WDR7: variants seen among roughly 807,000 people sequenced by gnomAD.
WDR7 encodes WD repeat domain 7.
Under a neutral mutation model 169.4 loss-of-function variants are expected in WDR7, and 46 were observed. The observed-to-expected ratio is 0.27, with a 90% CI of 0.21 to 0.35. WDR7 has a LOEUF of 0.35. Ranked by LOEUF, WDR7 falls within the 10% of genes least tolerant of loss-of-function variation. The pLI is 1.00. For missense variants in WDR7, 1,534 were observed against 1,859.3 expected (o/e 0.83, Z 3.22); for synonymous variants, 612 against 666.8 (o/e 0.92, Z 1.27).
intron 13 of WDR7, among the ~76,000 whole-genome samples, chr18:56,720,155 T>C (rs554860194): frequency 2.0e-5 from 3 of 152,062 alleles, no homozygotes; most frequent in Non-Finnish European, 4.4e-5. Flanking sequence ...TAAAATACTA[T>C]CAATATTAAG....
At chr18:56,710,226 A>G (rs999484358) in intron 12 of WDR7, among the ~76,000 whole-genome samples, 1 of 151,686 alleles carries the variant, frequency 6.6e-6, no homozygotes, top group African/African-American at 2.4e-5. Flanking sequence ...GATGGTCTTG[A>G]TTTCCTGACC....
intron 20 of WDR7, among the ~76,000 whole-genome samples, chr18:56,832,942 C>T (rs2045338603): frequency 6.6e-6 from 1 of 152,034 alleles, no homozygotes; most frequent in African/African-American, 2.4e-5. Context: ...TCCAAAGGAT[C>T]ACAACTCCTC....
intron 20 of WDR7, among the ~76,000 whole-genome samples, chr18:56,869,582 C>T (rs969945769): frequency 4.6e-5 from 7 of 152,004 alleles, no homozygotes; most frequent in African/African-American, 1.5e-4. Flanking sequence ...AAATCTATGC[C>T]GCTAACACAA....
At chr18:56,719,959 TTGTG>T (rs145567792) in intron 13 of WDR7, among the ~76,000 whole-genome samples, 1 of 151,944 alleles carries the variant, frequency 6.6e-6, no homozygotes, top group African/African-American at 2.4e-5. Context: ...AATTGTAAGC[TTGTG>T]TGTGTGTGTA....
At chr18:56,680,434 A>T (rs992249665) in intron 3 of WDR7, among the ~76,000 whole-genome samples, 10 of 152,204 alleles carry the variant, frequency 6.6e-5, no homozygotes, top group Non-Finnish European at 1.3e-4. Flanking sequence ...AAAAAGAAGC[A>T]ACATAAGCTA....
intron 16 of WDR7, among the ~76,000 whole-genome samples, chr18:56,772,742 T>G (rs977847036): frequency 1.3e-5 from 2 of 151,108 alleles, no homozygotes; most frequent in African/African-American, 4.8e-5. Flanking sequence ...ATATAGATAG[T>G]ATATATATTT....
rs117857436 is a variant in WDR7, at chr18:56,967,039, C to T, written c.4164+4510C>T. 2.8e-3 allele frequency among the ~76,000 whole-genome samples: 432 copies of T among 151,906 alleles called. 2 individuals carry two copies. The highest frequency in any genetic ancestry group is 7.5e-3 in the South Asian group (36 of 4,802). ...GTAGTTAGCATTCAGTAAATGTTGG[C>T]GATTATTATATTAAAATAAAATTGG... On this transcript the variant is annotated intron_variant, in intron 26 of 27. Transcript: ENST00000254442.
chr18:56,685,857 T>G, intron 5 of WDR7, 99 bp from the exon 6 acceptor site: 1 of 914,950 alleles, frequency 1.1e-6, no homozygotes, highest in Non-Finnish European at 1.7e-6. Flanking sequence ...TTGTAAAACA[T>G]GCTATTGTTT....
intron 2 of WDR7, among the ~76,000 whole-genome samples, chr18:56,678,717 G>A (rs2025295654): frequency 6.6e-6 from 1 of 152,154 alleles, no homozygotes; most frequent in African/African-American, 2.4e-5. Flanking sequence ...GGCTGGTCTT[G>A]AACTCCTGAC....
At chr18:56,974,546 A>G (rs913305180) in intron 26 of WDR7, among the ~76,000 whole-genome samples, 1 of 152,044 alleles carries the variant, frequency 6.6e-6, no homozygotes, top group African/African-American at 2.4e-5. Context: ...ACTCTAGGTC[A>G]TAGAGCTTAA....
chr18:56,984,780 A>G (rs912258816), intron 26 of WDR7, among the ~76,000 whole-genome samples: 1 of 152,068 alleles, frequency 6.6e-6, no homozygotes, highest in Non-Finnish European at 1.5e-5. Flanking sequence ...TGAATTTGTG[A>G]TTGTTAGTTG....
At chr18:56,984,925 A>G (rs1259692799) in intron 26 of WDR7, among the ~76,000 whole-genome samples, 1 of 151,964 alleles carries the variant, frequency 6.6e-6, no homozygotes, top group Non-Finnish European at 1.5e-5. Flanking sequence ...CAGTGCCGAG[A>G]GAACCTCGGG....
chr18:56,678,538 C>T (rs888156083), intron 2 of WDR7, among the ~76,000 whole-genome samples: 1 of 151,988 alleles, frequency 6.6e-6, no homozygotes, highest in African/African-American at 2.4e-5. Context: ...ACTCTGTCCC[C>T]CAAGCTGGAG....
intron 20 of WDR7, among the ~76,000 whole-genome samples, chr18:56,846,068 A>G (rs946590501): frequency 2.0e-5 from 3 of 152,238 alleles, no homozygotes; most frequent in Non-Finnish European, 4.4e-5. Context: ...GAGCATACAA[A>G]TAGACATGAA....
intron 19 of WDR7, 83 bp downstream of exon 19, chr18:56,781,739 C>A: frequency 7.7e-7 from 1 of 1,302,616 alleles, no homozygotes. Flanking sequence ...TATGCTACTA[C>A]CCATCAACAA....
intron 21 of WDR7, among the ~76,000 whole-genome samples, chr18:56,921,765 G>A (rs566989617): frequency 8.2e-4 from 125 of 152,262 alleles, no homozygotes; most frequent in African/African-American, 2.9e-3. Flanking sequence ...AACAGTGATG[G>A]AAAATATCAA....
Position 56,905,457 on chromosome 18 carries a change from G to A in WDR7, c.3527-18465G>A, listed in dbSNP as rs549438982. ...AGCCACTGTGCCTGGTGTGATTATA[G>A]ACAATTTTCAGAAGATATTGATAAG... On this transcript the variant is annotated intron_variant, in intron 21 of 27. Coordinates refer to ENST00000254442, the MANE Select transcript of WDR7 (RefSeq NM_015285.3). Among the ~76,000 whole-genome samples the A allele has an allele frequency of 2.0e-5, 3 of 152,200 alleles. No individual in the cohort carries two copies. In the East Asian group the frequency reaches 5.8e-4, roughly 29 times the overall value.
At chr18:56,817,933 CAG>C (rs1040172349) in intron 20 of WDR7, among the ~76,000 whole-genome samples, 7 of 151,992 alleles carry the variant, frequency 4.6e-5, no homozygotes, top group Admixed American at 4.6e-4. Context: ...TTAGTAGAAA[CAG>C]AGTTTCACCA....
At chr18:56,750,198 T>A (rs1162153213) in intron 14 of WDR7, among the ~76,000 whole-genome samples, 1 of 152,176 alleles carries the variant, frequency 6.6e-6, no homozygotes, top group Non-Finnish European at 1.5e-5. Context: ...ATCCAATATT[T>A]TTTTCCTGTG....
Sources: gnomAD v4.1 joint callset for allele counts (sites outside exome capture counted in the v4.1 genomes callset) on GRCh38, gnomAD v4.1.1 for gene constraint, MANE v1.5 for transcripts, NCBI Gene and HGNC (gene_info 2026-07-23, HGNC 2026-07-21) for gene names.